Variants in ROBO2 observed in about 807,000 individuals in gnomAD.
ROBO2 encodes the protein roundabout homolog 2.
In ROBO2, 53 loss-of-function variants were observed where a neutral mutation model predicts 160.8. That is an observed-to-expected ratio of 0.33 (90% CI 0.26 to 0.41). The LOEUF is 0.41. Among genes scored for constraint, ROBO2 ranks in the 10% least tolerant of loss-of-function variants. ROBO2 has a pLI of 1.00. For synonymous variants in ROBO2, 664 were observed against 611.7 expected (o/e 1.09, Z -1.26); for missense variants, 1,577 against 1,722.4 (o/e 0.92, Z 1.49).
chr3:76,211,512 G>A (rs2107322219), intron 2 of ROBO2, among the ~76,000 whole-genome samples: 1 of 152,132 alleles, frequency 6.6e-6, no homozygotes, highest in African/African-American at 2.4e-5. Flanking sequence ...ATGTCAGAAT[G>A]AAAAATGATT....
intron 2 of ROBO2, among the ~76,000 whole-genome samples, chr3:76,740,174 A>T (rs563892757): frequency 1.3e-5 from 2 of 152,340 alleles, no homozygotes; most frequent in African/African-American, 2.4e-5. Context: ...ATCATAAAAG[A>T]TACAAAGGAG....
At chr3:76,295,880 C>T (rs1709044902) in intron 2 of ROBO2, among the ~76,000 whole-genome samples, 1 of 152,124 alleles carries the variant, frequency 6.6e-6, no homozygotes, top group Non-Finnish European at 1.5e-5. Context: ...TAGTTTTCAT[C>T]ACCGGATTGA....
chr3:76,834,053 CTT>C (rs1411807366), intron 2 of ROBO2, among the ~76,000 whole-genome samples: 1 of 55,718 alleles, frequency 1.8e-5, no homozygotes, highest in Non-Finnish European at 3.8e-5. Flanking sequence ...TCTTTCTCTC[CTT>C]TCTTTCTTTT....
intron 2 of ROBO2, among the ~76,000 whole-genome samples, chr3:77,416,750 A>G (rs2077266956): frequency 6.6e-6 from 1 of 150,450 alleles, no homozygotes; most frequent in Non-Finnish European, 1.5e-5. Flanking sequence ...AAGGAAATTT[A>G]TCTGCCTCCT....
chr3:76,942,863 G>GA (rs2078281619), intron 2 of ROBO2, among the ~76,000 whole-genome samples: 3 of 151,612 alleles, frequency 2.0e-5, no homozygotes, highest in East Asian at 1.9e-4. Flanking sequence ...ACTCCTAACT[G>GA]AAAAAAACAA....
At chr3:77,623,723 C>G (rs926649120) in intron 23 of ROBO2, among the ~76,000 whole-genome samples, 1 of 152,150 alleles carries the variant, frequency 6.6e-6, no homozygotes, top group African/African-American at 2.4e-5. Context: ...TTATGTTAAG[C>G]CCCTTTGCCT....
intron 9 of ROBO2, 92 bp downstream of exon 10, chr3:77,558,241 C>T: frequency 1.0e-6 from 1 of 992,552 alleles, no homozygotes; most frequent in Non-Finnish European, 1.6e-6. Flanking sequence ...ATCTTACATC[C>T]TAGTATAATT....
chr3:76,834,023 T>TCTCTTTTCTTTCTTTCTTTTC (rs201976697), intron 2 of ROBO2, among the ~76,000 whole-genome samples: 2 of 116,424 alleles, frequency 1.7e-5, no homozygotes, highest in African/African-American at 6.3e-5. Flanking sequence ...CCTTTCTTTC[T>TCTCTTTTCTTTCTTTCTTTTC]TTTCTTTCTT....
intron 2 of ROBO2, among the ~76,000 whole-genome samples, chr3:76,844,181 C>A (rs529637617): frequency 6.6e-6 from 1 of 152,020 alleles, no homozygotes; most frequent in South Asian, 2.1e-4. Flanking sequence ...ATGCTTCATG[C>A]AACGTCATTT....
chr3:77,493,764 C>T (rs2086434338), intron 5 of ROBO2, among the ~76,000 whole-genome samples: 1 of 152,138 alleles, frequency 6.6e-6, no homozygotes, highest in Non-Finnish European at 1.5e-5. Context: ...CCCTTTGTCA[C>T]CTCTGTGGCC....
chr3:77,556,106 A>G (rs2093110724), intron 8 of ROBO2, among the ~76,000 whole-genome samples: 1 of 151,904 alleles, frequency 6.6e-6, no homozygotes, highest in Non-Finnish European at 1.5e-5. Context: ...TTTAATTAGT[A>G]TGCTTTACTC....
At chr3:77,392,352 G>A (rs373815967) in intron 2 of ROBO2, among the ~76,000 whole-genome samples, 33 of 152,088 alleles carry the variant, frequency 2.2e-4, no homozygotes, top group Non-Finnish European at 4.4e-4. Flanking sequence ...ATTTAGTTAC[G>A]GGTGACAGGA....
At chr3:76,562,379 TGTATTA>T (rs886995961) in intron 2 of ROBO2, among the ~76,000 whole-genome samples, 58 of 152,234 alleles carry the variant, frequency 3.8e-4, no homozygotes, top group Admixed American at 1.2e-3. Context: ...TAGTCATATA[TGTATTA>T]GGACCATTTT....
chr3:76,076,775 A>G (rs912397982), intron 2 of ROBO2, among the ~76,000 whole-genome samples: 2 of 152,190 alleles, frequency 1.3e-5, no homozygotes, highest in African/African-American at 4.8e-5. Context: ...ATATAACCTG[A>G]CATTTCTCTG....
At chr3:77,145,720 C>T (rs1214130375) in intron 2 of ROBO2, among the ~76,000 whole-genome samples, 1 of 152,076 alleles carries the variant, frequency 6.6e-6, no homozygotes, top group Admixed American at 6.6e-5. Flanking sequence ...GGCATAAACA[C>T]ATCAGTTTAT....
chr3:77,331,715 A>ATG (rs1581128583), intron 2 of ROBO2, among the ~76,000 whole-genome samples: 1 of 105,014 alleles, frequency 9.5e-6, no homozygotes, highest in Non-Finnish European at 2.3e-5. Context: ...ATTTATTTAT[A>ATG]TATTTTGAGA....
At chr3:77,565,169 A>T in intron 12 of ROBO2, 49 bp downstream of exon 13, 1 of 1,597,908 alleles carries the variant, frequency 6.3e-7, no homozygotes, top group Non-Finnish European at 8.6e-7. Flanking sequence ...GAAACATCAG[A>T]TATTTAAGAA....
At chr3:76,852,511 A>C (rs931348670) in intron 2 of ROBO2, among the ~76,000 whole-genome samples, 1 of 152,170 alleles carries the variant, frequency 6.6e-6, no homozygotes, top group African/African-American at 2.4e-5. Flanking sequence ...TCATGATGTC[A>C]TCTCAAGGGT....
intron 2 of ROBO2, among the ~76,000 whole-genome samples, chr3:76,451,323 G>A (rs1040087187): frequency 1.3e-5 from 2 of 152,050 alleles, no homozygotes; most frequent in African/African-American, 4.8e-5. Flanking sequence ...TTTTTGTAGT[G>A]GGTTAAACAG....
Sources: allele counts gnomAD v4.1 joint callset (sites outside exome capture counted in the v4.1 genomes callset), GRCh38; gene constraint gnomAD v4.1.1; transcripts MANE v1.5; gene names NCBI Gene and HGNC (gene_info 2026-07-23, HGNC 2026-07-21).